OPCML: variants seen among roughly 807,000 people sequenced by gnomAD.
OPCML encodes the protein opioid binding protein/cell adhesion molecule like.
In OPCML, 13 loss-of-function variants were observed where a neutral mutation model predicts 37.8. The ratio of observed to expected loss-of-function variants is 0.34; its 90% CI spans 0.22 to 0.55. The LOEUF (loss-of-function observed/expected upper bound fraction) is 0.55. Ranked by LOEUF, OPCML falls within the 20% of genes least tolerant of loss-of-function variation. The probability of loss-of-function intolerance (pLI) is 0.91; values close to 1 mark genes in which losing one functional copy is unlikely to be tolerated. For synonymous variants in OPCML, 176 were observed against 168.8 expected, an observed-to-expected ratio of 1.04 and a Z score of -0.33; for missense variants, 341 against 435.6, an observed-to-expected ratio of 0.78 and a Z score of 1.93.
rs534005377 is a variant in OPCML at position 133,004,175 on chromosome 11, C to T, written c.62-61165G>A. ...CAGAGAGTGGGTCTCACTCCTCTGC[C>T]GTCTCATCTGAGGCCTCCTCCATCT... On this transcript the variant is annotated intron_variant, in intron 1 of 7. Coordinates refer to ENST00000524381, the MANE Select transcript of OPCML (RefSeq NM_001012393.5). 6.8e-4 allele frequency: 670 copies of T among 985,390 alleles called. 14 individuals are homozygous for T. In the South Asian group the frequency reaches 0.028, roughly 41 times the overall value. The allele number at this position is 985,390 out of a possible 1,614,324, so 61.0% of individuals were successfully genotyped here.
At chr11:133,353,253 G>A (rs1944182856) in intron 1 of OPCML, among the ~76,000 whole-genome samples, 2 of 150,294 alleles carry the variant, frequency 1.3e-5, no homozygotes, top group Admixed American at 6.6e-5. Context: ...TACAGCCTCT[G>A]CCTCCCAGGT....
intron 4 of OPCML, among the ~76,000 whole-genome samples, chr11:132,489,911 G>C (rs1227110543): frequency 6.6e-6 from 1 of 152,008 alleles, no homozygotes; most frequent in African/African-American, 2.4e-5. Context: ...TCATTGTTCA[G>C]CTCCCATTTA....
chr11:133,138,691 A>G (rs1250835720), intron 1 of OPCML, among the ~76,000 whole-genome samples: 3 of 152,168 alleles, frequency 2.0e-5, no homozygotes, highest in African/African-American at 4.8e-5. Context: ...TGAAGGGAAC[A>G]TCTCCCACCC....
chr11:132,496,638 C>A (rs954318603), intron 4 of OPCML, among the ~76,000 whole-genome samples: 15 of 152,190 alleles, frequency 9.9e-5, no homozygotes, highest in African/African-American at 3.6e-4. Context: ...TCAATAAATT[C>A]AAGGTCATGT....
chr11:133,171,201 GTGGC>G (rs1950284250), intron 1 of OPCML, among the ~76,000 whole-genome samples: 1 of 152,194 alleles, frequency 6.6e-6, no homozygotes, highest in Non-Finnish European at 1.5e-5. Flanking sequence ...TACCAATTCT[GTGGC>G]TGCAAAAGCA....
At chr11:132,756,558 A>C (rs1946055518) in intron 2 of OPCML, among the ~76,000 whole-genome samples, 1 of 152,302 alleles carries the variant, frequency 6.6e-6, no homozygotes, top group Admixed American at 6.5e-5. Flanking sequence ...CATTTACTTC[A>C]TAACCTGTTT....
At chr11:132,691,722 T>C (rs931073661) in intron 2 of OPCML, among the ~76,000 whole-genome samples, 2 of 152,214 alleles carry the variant, frequency 1.3e-5, no homozygotes, top group South Asian at 4.1e-4. Flanking sequence ...TCCATCCAGT[T>C]TCATTACCAA....
intron 1 of OPCML, among the ~76,000 whole-genome samples, chr11:133,484,063 T>C (rs1947467605): frequency 6.6e-6 from 1 of 150,994 alleles, no homozygotes; most frequent in South Asian, 2.1e-4. Context: ...GATAGATAGA[T>C]AGATAGATAG....
intron 3 of OPCML, among the ~76,000 whole-genome samples, chr11:132,604,886 A>G (rs1160648402): frequency 6.6e-6 from 1 of 152,204 alleles, no homozygotes; most frequent in South Asian, 2.1e-4. Flanking sequence ...TAAGCATACA[A>G]TCAGATGCTG....
At chr11:132,627,474 T>C (rs1474130823) in intron 3 of OPCML, among the ~76,000 whole-genome samples, 1 of 152,366 alleles carries the variant, frequency 6.6e-6, no homozygotes, top group East Asian at 1.9e-4. Context: ...GTATGGCCTC[T>C]GCACTTGCAC....
intron 1 of OPCML, among the ~76,000 whole-genome samples, chr11:133,288,884 C>T (rs1023178896): frequency 6.6e-6 from 1 of 152,086 alleles, no homozygotes; most frequent in Admixed American, 6.5e-5. Context: ...TGCCTGACCT[C>T]GTCCCTTAGT....
At chr11:132,883,682 T>A (rs922069909) in intron 2 of OPCML, among the ~76,000 whole-genome samples, 3 of 152,312 alleles carry the variant, frequency 2.0e-5, no homozygotes, top group Non-Finnish European at 2.9e-5. Context: ...GGACAGGGAA[T>A]AACATTATTA....
At chr11:132,507,653 T>C (rs2096260266) in intron 4 of OPCML, among the ~76,000 whole-genome samples, 2 of 151,660 alleles carry the variant, frequency 1.3e-5, no homozygotes, top group African/African-American at 4.8e-5. Context: ...CCTGAATAAC[T>C]ATAGAGACAA....
At chr11:132,729,402 C>T (rs1481381713) in intron 2 of OPCML, among the ~76,000 whole-genome samples, 3 of 151,962 alleles carry the variant, frequency 2.0e-5, no homozygotes, top group Non-Finnish European at 4.4e-5. Flanking sequence ...TACACACACA[C>T]ACACACTCTT....
intron 1 of OPCML, among the ~76,000 whole-genome samples, chr11:133,230,542 C>T (rs923271070): frequency 8.5e-5 from 13 of 152,244 alleles, no homozygotes; most frequent in African/African-American, 3.1e-4. Flanking sequence ...TCCCCCACCA[C>T]ACCCAAACTT....
chr11:132,563,126 T>A (rs2096414242), intron 3 of OPCML, among the ~76,000 whole-genome samples: 1 of 152,198 alleles, frequency 6.6e-6, no homozygotes, highest in East Asian at 1.9e-4. Flanking sequence ...TAAATGCTTA[T>A]GCACATTATT....
rs143408597 is a variant in OPCML at position 132,471,082 on chromosome 11, A to G, written c.506-33723T>C. 4.6e-5 allele frequency among the ~76,000 whole-genome samples: 7 copies of G among 152,366 alleles called. No individual in the cohort carries two copies. The East Asian group carries it at 1.4e-3, about 29-fold the overall frequency. ...AAGAAGCTCATGAGCAACCGTTTCC[A>G]GTTAAATGAGCATCAAAAAATGATC... On this transcript the variant is annotated intron_variant, in intron 4 of 7. Coordinates refer to ENST00000524381, the MANE Select transcript of OPCML (RefSeq NM_001012393.5).
At chr11:132,483,555 G>A (rs1353022642) in intron 4 of OPCML, among the ~76,000 whole-genome samples, 1 of 152,004 alleles carries the variant, frequency 6.6e-6, no homozygotes, top group East Asian at 1.9e-4. Flanking sequence ...TCACAGAATT[G>A]GAAAAAACTA....
At chr11:133,296,715 A>G (rs1468204613) in intron 1 of OPCML, among the ~76,000 whole-genome samples, 1 of 152,244 alleles carries the variant, frequency 6.6e-6, no homozygotes, top group Non-Finnish European at 1.5e-5. Context: ...CAATGGGTAT[A>G]TAAATAAAAT....
Sources: gnomAD v4.1 joint callset for allele counts (sites outside exome capture counted in the v4.1 genomes callset) on GRCh38, gnomAD v4.1.1 for gene constraint, MANE v1.5 for transcripts, NCBI Gene and HGNC (gene_info 2026-07-23, HGNC 2026-07-21) for gene names.